SGO2: variants seen among roughly 807,000 people sequenced by gnomAD.
SGO2 encodes the protein shugoshin-like 2.
In SGO2, 68 loss-of-function variants were observed where a neutral mutation model predicts 99.5. The observed-to-expected ratio is 0.68, with a 90% CI of 0.56 to 0.84. The LOEUF is 0.84. Among genes scored for constraint, SGO2 ranks in the 40% least tolerant of loss-of-function variants. The probability of loss-of-function intolerance (pLI) is 0.00; values close to 1 mark genes in which losing one functional copy is unlikely to be tolerated. For missense variants in SGO2, 1,350 were observed against 1,436.7 expected, an observed-to-expected ratio of 0.94 and a Z score of 0.97; for synonymous variants, 457 against 487.1, an observed-to-expected ratio of 0.94 and a Z score of 0.81.
At chr2:200,539,499 AT>A (rs2031857603) in intron 4 of SGO2, among the ~76,000 whole-genome samples, 3 of 151,862 alleles carry the variant, frequency 2.0e-5, no homozygotes, top group South Asian at 4.2e-4. Context: ...TGTTTCAAAC[AT>A]TTTTTGCTTT....
rs375629332 is a variant in SGO2 at position 200,536,017 on chromosome 2, A to G, written c.310-48A>G. 127 of 1,188,886 alleles carry G rather than the reference A, an allele frequency of 1.1e-4. 1 individual carries two copies. In the African/African-American group the frequency reaches 1.9e-3, roughly 18 times the overall value. 73.6% of individuals were successfully genotyped at this position (1,188,886 alleles called of 1,614,324 possible). ...TCATAAATGCCTGATATTATAATAA[A>G]TTACAAGTCTTAACTGATTAAAAGG... On this transcript the variant is annotated intron_variant, in intron 3 of 8. Transcript: ENST00000357799.
chr2:200,577,037 T>G (rs1045984809), intron 8 of SGO2, among the ~76,000 whole-genome samples: 4 of 142,440 alleles, frequency 2.8e-5, no homozygotes, highest in Admixed American at 1.4e-4. Flanking sequence ...AAAGTATTGT[T>G]TTTTTTTTTT....
chr2:200,578,169 T>TATAGATATAGATATAGATATAGAA, intron 8 of SGO2, among the ~76,000 whole-genome samples: 1 of 152,016 alleles, frequency 6.6e-6, no homozygotes, highest in Non-Finnish European at 1.5e-5. Flanking sequence ...TAGATATAGA[T>TATAGATATAGATATAGATATAGAA]ATAGATATAG....
chr2:200,577,979 T>C (rs968180612), intron 8 of SGO2, among the ~76,000 whole-genome samples: 37 of 152,280 alleles, frequency 2.4e-4, no homozygotes, highest in African/African-American at 8.9e-4. Context: ...GGGAGGGAGA[T>C]ACTTTGAGTC....
intron 5 of SGO2, among the ~76,000 whole-genome samples, chr2:200,556,909 G>C (rs1437572442): frequency 6.6e-6 from 1 of 152,180 alleles, no homozygotes; most frequent in East Asian, 1.9e-4. Flanking sequence ...GGCAGGCAAA[G>C]AGTTCAGGGA....
chr2:200,534,439 G>A (rs918741464), intron 2 of SGO2, among the ~76,000 whole-genome samples: 14 of 152,174 alleles, frequency 9.2e-5, no homozygotes, highest in African/African-American at 3.1e-4. Flanking sequence ...GGCAGTAAAA[G>A]GTCCCGTGGG....
At position 200,572,315 on chromosome 2, in the gene SGO2, ATC is replaced by A. The variant is rs1404061249; in HGVS notation, c.1973_1974del (p.Ser658Ter). On this transcript the variant is annotated frameshift_variant, in exon 7 of 9. Coordinates refer to ENST00000357799, the MANE Select transcript of SGO2 (RefSeq NM_152524.6). LOFTEE classifies it high-confidence loss of function. ...FFKTQEDKEPISENIEVSKEL... is the reference protein window; with the variant it reads ...FFKTQEDKEPXSENIEVSKEL... Reference sequence around the variant, plus strand: ...CAAAACCCAAGAGGATAAAGAACCTATCTCTGAAAACATAGAAGTTTCCAAAG... The same window carrying A: ...CAAAACCCAAGAGGATAAAGAACCTATCTGAAAACATAGAAGTTTCCAAAG... The A allele has an allele frequency of 1.2e-6, 2 of 1,608,974 alleles. No homozygotes were observed. The highest frequency in any genetic ancestry group is 1.7e-6 in the Non-Finnish European group (2 of 1,178,656).
intron 7 of SGO2, among the ~76,000 whole-genome samples, chr2:200,574,379 CA>C (rs1367972179): frequency 1.3e-5 from 2 of 152,038 alleles, no homozygotes; most frequent in African/African-American, 4.8e-5. Flanking sequence ...CCCCATTCAA[CA>C]ACGTATATTT....
At chr2:200,534,628 C>G (rs1469732506) in intron 2 of SGO2, among the ~76,000 whole-genome samples, 1 of 152,192 alleles carries the variant, frequency 6.6e-6, no homozygotes, top group African/African-American at 2.4e-5. Context: ...GCTGCAGAAT[C>G]AGTTTCTCCA....
intron 5 of SGO2, among the ~76,000 whole-genome samples, chr2:200,547,093 TCAAAGA>T (rs2032253445): frequency 6.6e-6 from 1 of 151,748 alleles, no homozygotes; most frequent in Admixed American, 6.6e-5. Flanking sequence ...CTCTCAAAGG[TCAAAGA>T]CAAAGAGAAG....
intron 4 of SGO2, among the ~76,000 whole-genome samples, chr2:200,540,161 A>G (rs756468446): frequency 3.3e-5 from 5 of 152,126 alleles, no homozygotes; most frequent in Non-Finnish European, 7.4e-5. Context: ...ACTTGTTTTA[A>G]AATCTTTGTC....
At chr2:200,527,295 T>C (rs1430219284) in intron 1 of SGO2, among the ~76,000 whole-genome samples, 1 of 152,204 alleles carries the variant, frequency 6.6e-6, no homozygotes, top group Non-Finnish European at 1.5e-5. Context: ...GCAGTCCAGC[T>C]GTGGTTTCCT....
At chr2:200,538,835 T>A (rs1032966259) in intron 4 of SGO2, among the ~76,000 whole-genome samples, 1 of 152,206 alleles carries the variant, frequency 6.6e-6, no homozygotes, top group African/African-American at 2.4e-5. Flanking sequence ...TTTACATTTC[T>A]GTAATAAACT....
chr2:200,554,834 A>C (rs2032638364), intron 5 of SGO2, among the ~76,000 whole-genome samples: 1 of 152,236 alleles, frequency 6.6e-6, no homozygotes, highest in South Asian at 2.1e-4. Flanking sequence ...AAAACCTTAT[A>C]CAAAAATGTA....
At chr2:200,574,094 CA>C in intron 7 of SGO2, 117 bp downstream of exon 7, 1 of 715,914 alleles carries the variant, frequency 1.4e-6, no homozygotes, top group Non-Finnish European at 2.2e-6. Context: ...AATTTAAAAA[CA>C]ATATATAACT....
At chr2:200,580,521 T>G in intron 8 of SGO2, 1 of 437,014 alleles carries the variant, frequency 2.3e-6, no homozygotes, top group Non-Finnish European at 4.6e-6. Context: ...GTTTTTATTC[T>G]TTCATTTATA....
rs775885934 is a variant in SGO2, at chr2:200,572,035, C to T, written c.1689C>T (p.Asp563=). 62 of 1,613,154 alleles carry T rather than the reference C, an allele frequency of 3.8e-5. No individual in the cohort carries two copies. The highest frequency in any genetic ancestry group is 9.4e-5 in the African/African-American group (7 of 74,856). The change falls in exon 7 of 9, where the codon GAC becomes GAT. Residue 563 remains aspartate, a synonymous_variant. Coordinates refer to ENST00000357799, the MANE Select transcript of SGO2 (RefSeq NM_152524.6). The stretch of plus-strand genomic sequence containing the variant: ...AAGTAACCATTTATGAAAACCTAGA[C>T]GTCACAAATGAATTTCACACAGCCA... The part of the protein sequence containing the change: ...KDKVTIYENL[D]VTNEFHTANL...
chr2:200,557,846 T>A (rs1559208925), intron 5 of SGO2, among the ~76,000 whole-genome samples: 1 of 151,102 alleles, frequency 6.6e-6, no homozygotes, highest in Non-Finnish European at 1.5e-5. Flanking sequence ...TATTTTTTCT[T>A]ACCTTGTTGC....
chr2:200,533,517 ATATGTG>A (rs1168270704), intron 2 of SGO2: 23 of 65,496 alleles, frequency 3.5e-4, no homozygotes, highest in African/African-American at 7.3e-4. Flanking sequence ...TATATAATGT[ATATGTG>A]TGTGTGTGTG....
Sources: gnomAD v4.1 joint callset for allele counts (sites outside exome capture counted in the v4.1 genomes callset) on GRCh38, gnomAD v4.1.1 for gene constraint, MANE v1.5 for transcripts, NCBI Gene and HGNC (gene_info 2026-07-23, HGNC 2026-07-21) for gene names.